The following RP2 variants were observed in gnomAD, a reference collection of about 807,000 sequenced individuals.
RP2 encodes the protein RP2 activator of ARL3 GTPase, also known as protein XRP2.
A neutral mutation model predicts 20.3 loss-of-function variants in RP2; 3 were observed. The observed-to-expected ratio is 0.15, with a 90% CI of 0.07 to 0.38. The LOEUF (loss-of-function observed/expected upper bound fraction) is 0.38. Among genes scored for constraint, RP2 ranks in the 10% least tolerant of loss-of-function variants. The pLI is 1.00. For missense variants in RP2, 233 were observed against 268.5 expected (o/e 0.87, Z 0.92); for synonymous variants, 75 against 94.8 (o/e 0.79, Z 1.22).
intron 1 of RP2, among the ~76,000 whole-genome samples, chrX:46,847,745 T>TACACAC (rs1924754866): frequency 1.2e-4 from 10 of 80,048 alleles, no homozygotes; most frequent in Non-Finnish European, 1.8e-4. Flanking sequence ...TACACACATA[T>TACACAC]GTGTGTGTGT....
Position 46,840,868 on chromosome X carries a change from CAT to C in RP2, c.102+3667_102+3668del, listed in dbSNP as rs782688047. On this transcript the variant is annotated intron_variant, in intron 1 of 4. Coordinates refer to ENST00000218340, the MANE Select transcript of RP2 (RefSeq NM_006915.3). ...AATTGTGATTTGAGTAAGGACAACACATGTGTCTGTTATATTTGTCTCATATT... is the reference window on the plus strand; with the variant it reads ...AATTGTGATTTGAGTAAGGACAACACGTGTCTGTTATATTTGTCTCATATT... 2.2e-4 allele frequency among the ~76,000 whole-genome samples: 25 copies of C among 112,549 alleles called. No individual in the cohort carries two copies. The East Asian group carries it at 5.3e-3, about 24-fold the overall frequency.
At chrX:46,840,723 T>C (rs1398641205) in intron 1 of RP2, among the ~76,000 whole-genome samples, 1 of 111,764 alleles carries the variant, frequency 8.9e-6, no homozygotes, top group Non-Finnish European at 1.9e-5. Context: ...TAAGTACATA[T>C]GAGGTGAGGA....
At chrX:46,860,300 C>CT (rs200924155) in intron 3 of RP2, among the ~76,000 whole-genome samples, 198 bp downstream of exon 3, 76 of 109,426 alleles carry the variant, frequency 6.9e-4, no homozygotes, top group Admixed American at 3.9e-3. Context: ...ATTAGGCATT[C>CT]TTTTTTTTTC....
At chrX:46,844,643 G>A (rs1462389026) in intron 1 of RP2, among the ~76,000 whole-genome samples, 4 of 111,151 alleles carry the variant, frequency 3.6e-5, no homozygotes, top group Non-Finnish European at 5.7e-5. Flanking sequence ...AAACATACAT[G>A]TGCATGTGTC....
At position 46,879,698 on chromosome X, in the gene RP2, G is replaced by A. The variant is rs782686574; in HGVS notation, c.982G>A (p.Glu328Lys). Residue 328 changes from glutamate (E) to lysine (K), a missense_variant, in exon 5 of 5, where the codon GAA becomes AAA. Transcript: ENST00000218340. ...CTATTTAAAATAGATGTTTGTATCT[G>A]AAAGCAAGGAGACGGCATCTGGAGA... ...IFNGTKMFVS[E>K]SKETASGDVD... is the part of the protein sequence containing the mutation. 8.4e-7 allele frequency: 1 copy of A among 1,192,149 alleles called. No individual in the cohort carries two copies. The highest frequency in any genetic ancestry group is 1.8e-5 in the South Asian group (1 of 55,926).
At chrX:46,847,899 C>T (rs1347497143) in intron 1 of RP2, among the ~76,000 whole-genome samples, 7 of 80,098 alleles carry the variant, frequency 8.7e-5, no homozygotes, top group Admixed American at 1.5e-4. Context: ...TGCGTATATA[C>T]ATATATATGG....
chrX:46,847,543 A>G (rs940724342), intron 1 of RP2, among the ~76,000 whole-genome samples: 1 of 106,759 alleles, frequency 9.4e-6, no homozygotes, highest in East Asian at 3.0e-4. Context: ...ATGTATGTAT[A>G]TACACATACA....
At chrX:46,875,296 T>C (rs1469376560) in intron 3 of RP2, among the ~76,000 whole-genome samples, 2 of 88,360 alleles carry the variant, frequency 2.3e-5, no homozygotes, top group Non-Finnish European at 4.2e-5. Flanking sequence ...ATTTTCTTTC[T>C]TTTTTTTTTT....
At chrX:46,838,018 T>C (rs1422171230) in intron 1 of RP2, among the ~76,000 whole-genome samples, 2 of 112,643 alleles carry the variant, frequency 1.8e-5, no homozygotes, top group Admixed American at 1.9e-4. Flanking sequence ...TCTTTCTACA[T>C]AGTTCTCCAT....
intron 1 of RP2, among the ~76,000 whole-genome samples, chrX:46,843,513 T>A (rs1355822693): frequency 8.9e-6 from 1 of 111,873 alleles, no homozygotes; most frequent in African/African-American, 3.3e-5. Flanking sequence ...CTAATTTAGC[T>A]TTTAGCCCTC....
chrX:46,881,757 G>C lies in RP2; in HGVS notation c.*1988G>C, dbSNP rs1925474756. On this transcript the variant is annotated 3_prime_UTR_variant, in exon 5 of 5. Transcript: ENST00000218340. ...CCCAAAGAGCTGGGATTACAGGTGT[G>C]AGCTACCGCGCCTGGCCATGATGAT... The C allele has an allele frequency of 9.0e-6, 1 of 111,168 alleles. No individual in the cohort carries two copies. Among genetic ancestry groups the C allele is most frequent in the South Asian group, 3.8e-4 (1 of 2,637 alleles). 9.2% of individuals were successfully genotyped at this position (111,168 alleles called of 1,213,427 possible).
chrX:46,853,869 A>G lies in RP2; in HGVS notation c.496A>G (p.Ile166Val), dbSNP rs782510902. The G allele has an allele frequency of 8.3e-7, 1 of 1,211,878 alleles. No homozygotes were observed. The highest frequency in any genetic ancestry group is 3.0e-5 in the East Asian group (1 of 33,857). ...CCAGTTCAAAGATGCAGGGCTAAGT[A>G]TCTTCAACAATACATGGAGTAACAT... ...AFQFKDAGLS[I>V]FNNTWSNIHD... Residue 166 changes from isoleucine to valine, a missense_variant, in exon 2 of 5, where the codon ATC becomes GTC. By Grantham distance (29) the Ile-to-Val change is conservative (BLOSUM62 3). Transcript: ENST00000218340.
intron 1 of RP2, among the ~76,000 whole-genome samples, chrX:46,847,783 C>CACACGTGTGTGTGTATAT (rs1924769485): frequency 2.7e-5 from 2 of 73,822 alleles, no homozygotes; most frequent in African/African-American, 1.4e-4. Flanking sequence ...TGTGTACATA[C>CACACGTGTGTGTGTATAT]ACACATGTGT....
chrX:46,844,425 A>G (rs1464240511), intron 1 of RP2, among the ~76,000 whole-genome samples: 1 of 105,628 alleles, frequency 9.5e-6, no homozygotes, highest in Admixed American at 1.1e-4. Flanking sequence ...GAGAACATGC[A>G]GTGTTTGGTT....
At chrX:46,849,893 G>A (rs1924829989) in intron 1 of RP2, among the ~76,000 whole-genome samples, 1 of 111,512 alleles carries the variant, frequency 9.0e-6, no homozygotes, top group African/African-American at 3.3e-5. Flanking sequence ...GGTTAAGTGA[G>A]GTCATAAAGG....
chrX:46,840,843 A>T (rs1290033427), intron 1 of RP2, among the ~76,000 whole-genome samples: 18 of 112,562 alleles, frequency 1.6e-4, no homozygotes, highest in African/African-American at 5.8e-4. Context: ...TAAGTGTGAA[A>T]ATTGTGATTT....
chrX:46,858,577 C>T (rs1446796933), intron 2 of RP2, among the ~76,000 whole-genome samples: 1 of 109,359 alleles, frequency 9.1e-6, no homozygotes, highest in Non-Finnish European at 1.9e-5. Flanking sequence ...CTTAAGGGAT[C>T]CTCCCACCTC....
chrX:46,869,591 A>T (rs781859352), intron 3 of RP2, among the ~76,000 whole-genome samples: 2 of 86,511 alleles, frequency 2.3e-5, no homozygotes, highest in East Asian at 7.7e-4. Flanking sequence ...CGTCAGTTGT[A>T]GGTTTTCATA....
intron 3 of RP2, among the ~76,000 whole-genome samples, chrX:46,876,672 G>A (rs1925378266): frequency 9.0e-6 from 1 of 110,871 alleles, no homozygotes; most frequent in Admixed American, 9.6e-5. Flanking sequence ...CCAATGTAGT[G>A]TAACCTTTTC....
Sources: gnomAD v4.1 joint callset for allele counts (sites outside exome capture counted in the v4.1 genomes callset) on GRCh38, gnomAD v4.1.1 for gene constraint, MANE v1.5 for transcripts, NCBI Gene and HGNC (gene_info 2026-07-23, HGNC 2026-07-21) for gene names.